The following INTS11 variants were observed in gnomAD, a reference collection of about 807,000 sequenced individuals.
INTS11 encodes the protein integrator complex subunit 11.
In INTS11, 77 loss-of-function variants were observed where a neutral mutation model predicts 78.6. The ratio of observed to expected loss-of-function variants is 0.98; its 90% CI spans 0.81 to 1.18. The LOEUF is 1.18. Ranked by LOEUF, INTS11 falls within the 50% of genes most tolerant of loss-of-function variation. The pLI is 0.00. For missense variants in INTS11, 875 were observed against 825.9 expected, an observed-to-expected ratio of 1.06 and a Z score of -0.73; for synonymous variants, 441 against 326.9, an observed-to-expected ratio of 1.35 and a Z score of -3.77.
In INTS11 at chr1:1,314,888, G is replaced by C. The variant is rs775314558; in HGVS notation, c.638C>G (p.Ser213Cys). 6.6e-5 allele frequency: 107 copies of C among 1,613,024 alleles called. No homozygotes were observed. In the Admixed American group the frequency reaches 1.6e-3, roughly 24 times the overall value. Residue 213 changes from serine (S) to cysteine (C), a missense_variant, in exon 7 of 17, where the codon TCC (serine) becomes TGC (cysteine). Physicochemically the swap from Ser to Cys is moderately radical, Grantham distance 112. Coordinates refer to ENST00000435064, the MANE Select transcript of INTS11 (RefSeq NM_017871.6). The surrounding 1 kb of genome is among the most constrained non-coding windows in gnomAD (Gnocchi z 4.2). Reference sequence around the variant, plus strand: ...GAAGTCTCGCTCCCGGCAGCGCTTGGAGTCACGGATGGTCGTGGCGTACGT... The same window carrying C: ...GAAGTCTCGCTCCCGGCAGCGCTTGCAGTCACGGATGGTCGTGGCGTACGT... ...ESTYATTIRD[S>C]KRCRERDFLK...
intron 2 of INTS11, 165 bp downstream of exon 2, chr1:1,320,831 G>A (rs1260754737): frequency 5.2e-6 from 4 of 764,048 alleles, no homozygotes; most frequent in African/African-American, 1.7e-5. Context: ...CACCATGCAG[G>A]GGCTCACCTC....
Position 1,319,522 on chromosome 1 carries a change from T to G in INTS11, c.203A>C (p.His68Pro), listed in dbSNP as rs756831865. Reference protein sequence around the residue: ...TDFLDCVIISHFHLDHCGALP... With the variant: ...TDFLDCVIISPFHLDHCGALP... ...TGCCCCGCAGTGGTCCAGGTGGAAG[T>G]GGCTAGGGGGACGCAGCACAGGTCA... is the stretch of plus-strand genomic sequence containing the variant. The change falls in exon 4 of 17, where the codon CAC (histidine) becomes CCC (proline). Residue 68 changes from histidine (H) to proline (P), a missense_variant and splice_region_variant. Transcript: ENST00000435064. 1 of 1,571,484 alleles carries G rather than the reference T, an allele frequency of 6.4e-7. No homozygotes were observed. Among genetic ancestry groups the G allele is most frequent in the East Asian group, 2.3e-5 (1 of 44,430 alleles).
intron 12 of INTS11, 25 bp downstream of exon 12, chr1:1,312,762 C>T: frequency 6.3e-7 from 1 of 1,598,518 alleles, no homozygotes; most frequent in African/African-American, 1.3e-5. Context: ...GAGGTGGGCC[C>T]CACGCCGCCC....
chr1:1,315,010 G>A lies in INTS11; in HGVS notation c.564-48C>T, dbSNP rs751599310. On this transcript the variant is annotated intron_variant, in intron 6 of 16. Coordinates refer to ENST00000435064, the MANE Select transcript of INTS11 (RefSeq NM_017871.6). The stretch of plus-strand genomic sequence containing the variant: ...TGAGCCACGATGCACTGTCCCCACG[G>A]TTGCAGGGCTGGGTGTGACAAGCTG... The A allele has an allele frequency of 8.2e-6, 13 of 1,594,452 alleles. No individual in the cohort carries two copies. The East Asian group carries it at 2.0e-4, about 25-fold the overall frequency.
intron 1 of INTS11, among the ~76,000 whole-genome samples, chr1:1,324,263 G>A (rs1043418580): frequency 2.0e-5 from 3 of 152,008 alleles, no homozygotes; most frequent in East Asian, 3.9e-4. Context: ...AGGGCTGGAG[G>A]CGGCAGCGCG....
chr1:1,317,749 A>T (rs189457148), intron 4 of INTS11: 1 of 152,382 alleles, frequency 6.6e-6, no homozygotes, highest in Admixed American at 6.5e-5. Context: ...CCAGAGACAG[A>T]ACGTTGTTTG....
In INTS11 at chr1:1,320,503, G is replaced by T. The variant is rs756548358; in HGVS notation, c.153C>A (p.Ile51=). Residue 51 remains isoleucine, a synonymous_variant, in exon 3 of 17, where the codon ATC becomes ATA. Coordinates refer to ENST00000435064, the MANE Select transcript of INTS11 (RefSeq NM_017871.6). ...AGTCTGTTAGGCGGCCGTTCTGGGT[G>T]ATGTAGGAGAAGTCAGGGAAGCGTC... ...DDRRFPDFSY[I]TQNGRLTDFL... 8.7e-6 allele frequency: 14 copies of T among 1,613,980 alleles called. No homozygotes were observed. The South Asian group carries it at 1.5e-4, about 18-fold the overall frequency.
chr1:1,313,578 C>T lies in INTS11; in HGVS notation c.972G>A (p.Thr324=), dbSNP rs142134905. ...ACTGCCCAGCGTGCAGCATTCCTGG[C>T]GTGGCAAACACAACCTACAGGACAC... ...DNPGPMVVFA[T]PGMLHAGQSL... is the part of the protein sequence containing the mutation. The change falls in exon 10 of 17, where the codon ACG becomes ACA. Residue 324 remains threonine, a synonymous_variant. Coordinates refer to ENST00000435064, the MANE Select transcript of INTS11 (RefSeq NM_017871.6). 1.1e-5 allele frequency: 18 copies of T among 1,612,804 alleles called. No individual in the cohort carries two copies. The highest frequency in any genetic ancestry group is 6.7e-5 in the East Asian group (3 of 44,894).
Position 1,314,112 on chromosome 1 carries a change from G to A in INTS11, c.767+189C>T. On this transcript the variant is annotated intron_variant, in intron 8 of 16. Transcript: ENST00000435064. The surrounding 1 kb of genome is among the most constrained non-coding windows in gnomAD (Gnocchi z 4.2). ...AGCGGAGAACCAGGAACCCCTACAAGAGCCGCACACGGTGGCGCTGACGGG... is the reference window on the plus strand; with the variant it reads ...AGCGGAGAACCAGGAACCCCTACAAAAGCCGCACACGGTGGCGCTGACGGG... 1 of 761,536 alleles carries A rather than the reference G, an allele frequency of 1.3e-6. No homozygotes were observed. 47.2% of individuals were successfully genotyped at this position (761,536 alleles called of 1,614,324 possible). A position where few individuals can be genotyped will look rare whatever the true frequency, so the allele number is the denominator to read the frequency against.
Position 1,312,213 on chromosome 1 carries a change from G to GCCGGGGGCCCCCCCCCCC in INTS11, c.1607+12_1607+13insGGGGGGGGGGGCCCCCGG. 1.1e-6 allele frequency: 1 copy of GCCGGGGGCCCCCCCCCCC among 934,610 alleles called. No individual in the cohort carries two copies. Among genetic ancestry groups the GCCGGGGGCCCCCCCCCCC allele is most frequent in the East Asian group, 2.9e-5 (1 of 34,240 alleles). 57.9% of individuals were successfully genotyped at this position (934,610 alleles called of 1,614,324 possible). Reference sequence around the variant, plus strand: ...CCCAAGGGAGTGGGGGGGGGGCGGGGCCGGGCGCCCACCTCTTGAGGTGGC... The same window carrying GCCGGGGGCCCCCCCCCCC: ...CCCAAGGGAGTGGGGGGGGGGCGGGGCCGGGGGCCCCCCCCCCCCCGGGCGCCCACCTCTTGAGGTGGC... On this transcript the variant is annotated intron_variant, in intron 15 of 16. Coordinates refer to ENST00000435064, the MANE Select transcript of INTS11 (RefSeq NM_017871.6).
chr1:1,315,167 A>G, intron 6 of INTS11: 1 of 728,216 alleles, frequency 1.4e-6, no homozygotes, highest in Non-Finnish European at 2.2e-6. Flanking sequence ...ACTTCGGAAG[A>G]GCGAGACAGA....
chr1:1,313,736 G>C lies in INTS11; in HGVS notation c.953C>G (p.Pro318Arg). 1.2e-6 allele frequency: 2 copies of C among 1,611,628 alleles called. No homozygotes were observed. Among genetic ancestry groups the C allele is most frequent in the Non-Finnish European group, 1.7e-6 (2 of 1,178,806 alleles). Reference protein sequence around the residue: ...FDRAFADNPGPMVVFATPGML... With the variant: ...FDRAFADNPGRMVVFATPGML... ...CGGCCCTGCCGCGGGCCTCACCATC[G>C]GTCCTGGGTTGTCAGCAAAAGCCCG... The change falls in exon 9 of 17, where the codon CCG becomes CGG. Residue 318 changes from proline to arginine, a missense_variant. Coordinates refer to ENST00000435064, the MANE Select transcript of INTS11 (RefSeq NM_017871.6).
Position 1,314,247 on chromosome 1 carries a change from CTG to C in INTS11, c.767+52_767+53del. ...TGGACAGGGCTGCCCACCAACTGGA[CTG>C]TGTTCAGGCCGGGCCAGGGGCTCCT... On this transcript the variant is annotated intron_variant, in intron 8 of 16. Transcript: ENST00000435064. The surrounding 1 kb of genome is among the most constrained non-coding windows in gnomAD (Gnocchi z 4.2). 1.3e-6 allele frequency: 2 copies of C among 1,494,380 alleles called. No homozygotes were observed. The highest frequency in any genetic ancestry group is 2.0e-5 in the Admixed American group (1 of 51,234). The allele number at this position is 1,494,380 out of a possible 1,614,324, so 92.6% of individuals were successfully genotyped here.
At position 1,312,213 on chromosome 1, in the gene INTS11, G is replaced by GGGGGGGGGGGTGGGGC; in HGVS notation, c.1607+12_1607+13insGCCCCACCCCCCCCCC. 1 of 934,630 alleles carries GGGGGGGGGGGTGGGGC rather than the reference G, an allele frequency of 1.1e-6. No homozygotes were observed. The allele number at this position is 934,630 out of a possible 1,614,324, so 57.9% of individuals were successfully genotyped here. On this transcript the variant is annotated intron_variant, in intron 15 of 16. Coordinates refer to ENST00000435064, the MANE Select transcript of INTS11 (RefSeq NM_017871.6). ...CCCAAGGGAGTGGGGGGGGGGCGGG[G>GGGGGGGGGGGTGGGGC]CCGGGCGCCCACCTCTTGAGGTGGC... is the stretch of plus-strand genomic sequence containing the variant.
chr1:1,312,203 GGGGGGC>G lies in INTS11; in HGVS notation c.1607+17_1607+22del. The G allele has an allele frequency of 1.7e-6, 2 of 1,196,334 alleles. No homozygotes were observed. The highest frequency in any genetic ancestry group is 2.3e-6 in the Non-Finnish European group (2 of 853,056). The allele number at this position is 1,196,334 out of a possible 1,614,324, so 74.1% of individuals were successfully genotyped here. A position where few individuals can be genotyped will look rare whatever the true frequency, so the allele number is the denominator to read the frequency against. On this transcript the variant is annotated intron_variant, in intron 15 of 16. Transcript: ENST00000435064. The stretch of plus-strand genomic sequence containing the variant: ...GCCTCCAGGGCCCAAGGGAGTGGGG[GGGGGGC>G]GGGGCCGGGCGCCCACCTCTTGAGG...
In INTS11 at chr1:1,315,624, G is replaced by A. The variant is rs199910868; in HGVS notation, c.430-6C>T. 2.2e-4 allele frequency: 349 copies of A among 1,606,624 alleles called. 1 individual carries two copies. In the African/African-American group the frequency reaches 3.7e-3, roughly 17 times the overall value. ...ATCTCCAGCTCATCATCTACCTGTG[G>A]AGGACAGGGCTGCGCTCAGGCTGTG... is the stretch of plus-strand genomic sequence containing the variant. On this transcript the variant is annotated splice_polypyrimidine_tract_variant and splice_region_variant and intron_variant, in intron 4 of 16. Coordinates refer to ENST00000435064, the MANE Select transcript of INTS11 (RefSeq NM_017871.6).
In INTS11 at chr1:1,313,811, G is replaced by C. The variant is rs774853966; in HGVS notation, c.878C>G (p.Thr293Ser). The stretch of plus-strand genomic sequence containing the variant: ...CTCAAACATGTTCCTCTGCACGAAA[G>C]TCTTGCGGATCTTCTGGTTGGTCCA... The part of the protein sequence containing the change: ...IPWTNQKIRK[T>S]FVQRNMFEFK... Residue 293 changes from threonine to serine, a missense_variant, in exon 9 of 17, where the codon ACT becomes AGT. Coordinates refer to ENST00000435064, the MANE Select transcript of INTS11 (RefSeq NM_017871.6). 1.9e-6 allele frequency: 3 copies of C among 1,613,550 alleles called. No individual in the cohort carries two copies. Among genetic ancestry groups the C allele is most frequent in the Non-Finnish European group, 2.5e-6 (3 of 1,179,994 alleles).
chr1:1,317,259 T>G (rs1218344352), intron 4 of INTS11: 1 of 152,326 alleles, frequency 6.6e-6, no homozygotes, highest in Non-Finnish European at 1.5e-5. Context: ...CTGGGTGTGG[T>G]GGCACACGCC....
chr1:1,312,213 G>GCCCGCCCCCCCC lies in INTS11; in HGVS notation c.1607+12_1607+13insGGGGGGGGCGGG. On this transcript the variant is annotated intron_variant, in intron 15 of 16. Transcript: ENST00000435064. ...CCCAAGGGAGTGGGGGGGGGGCGGG[G>GCCCGCCCCCCCC]CCGGGCGCCCACCTCTTGAGGTGGC... The GCCCGCCCCCCCC allele has an allele frequency of 1.1e-6, 1 of 934,618 alleles. No homozygotes were observed. The highest frequency in any genetic ancestry group is 1.6e-6 in the Non-Finnish European group (1 of 636,668). The allele number at this position is 934,618 out of a possible 1,614,324, so 57.9% of individuals were successfully genotyped here. A position where few individuals can be genotyped will look rare whatever the true frequency, so the allele number is the denominator to read the frequency against.
Sources: allele counts gnomAD v4.1 joint callset (sites outside exome capture counted in the v4.1 genomes callset), GRCh38; gene constraint gnomAD v4.1.1; non-coding constraint Gnocchi (gnomAD v3.1); transcripts MANE v1.5; gene names NCBI Gene and HGNC (gene_info 2026-07-23, HGNC 2026-07-21).